The following ZNF516 variants were observed in gnomAD, a reference collection of about 807,000 sequenced individuals.
ZNF516 encodes zinc finger protein 516.
In ZNF516, 19 loss-of-function variants were observed where a neutral mutation model predicts 79.7. That is an observed-to-expected ratio of 0.24 (90% CI 0.17 to 0.35). ZNF516 has a LOEUF of 0.35. Among genes scored for constraint, ZNF516 ranks in the 10% least tolerant of loss-of-function variants. ZNF516 has a pLI of 1.00. For missense variants in ZNF516, 1,678 were observed against 1,679.5 expected, an observed-to-expected ratio of 1.00 and a Z score of 0.02; for synonymous variants, 877 against 739.5, an observed-to-expected ratio of 1.19 and a Z score of -3.02.
At chr18:76,384,793 C>T (rs1433444630) in intron 3 of ZNF516, among the ~76,000 whole-genome samples, 2 of 152,160 alleles carry the variant, frequency 1.3e-5, no homozygotes, top group African/African-American at 4.8e-5. Flanking sequence ...AGCACTTCTG[C>T]TCCTCAGTCC....
At chr18:76,386,393 T>C (rs1442663881) in intron 3 of ZNF516, 1 of 152,042 alleles carries the variant, frequency 6.6e-6, no homozygotes, top group Non-Finnish European at 1.5e-5. Context: ...ATTGCAAGCA[T>C]CACATTCGTC....
intron 2 of ZNF516, among the ~76,000 whole-genome samples, chr18:76,456,347 C>T (rs532515584): frequency 2.6e-4 from 40 of 152,364 alleles, no homozygotes; most frequent in South Asian, 2.1e-3. Context: ...ACGCTGGAGA[C>T]CTTGCTCAAC....
At chr18:76,445,010 C>A (rs114982993) in intron 2 of ZNF516, among the ~76,000 whole-genome samples, 1,973 of 152,316 alleles carry the variant, frequency 0.013, 48 homozygotes, top group African/African-American at 0.045. Flanking sequence ...GCTCCTTCCT[C>A]CAGGAACGCA....
chr18:76,446,987 T>C (rs1260733161), intron 2 of ZNF516, among the ~76,000 whole-genome samples: 1 of 152,210 alleles, frequency 6.6e-6, no homozygotes, highest in East Asian at 1.9e-4. Context: ...AGGGGTTGAT[T>C]AAGTGATCCC....
chr18:76,399,727 CT>C (rs1014653541), intron 3 of ZNF516, among the ~76,000 whole-genome samples: 34 of 152,170 alleles, frequency 2.2e-4, no homozygotes, highest in African/African-American at 7.2e-4. Context: ...CAGGGCCCCC[CT>C]GATACTGTAT....
chr18:76,492,271 G>C (rs1477281982), intron 1 of ZNF516: 1 of 985,340 alleles, frequency 1.0e-6, no homozygotes, highest in African/African-American at 1.7e-5. Context: ...TACGCTTCCC[G>C]AGGTGCGTAC....
At chr18:76,407,680 T>C (rs965082050) in intron 3 of ZNF516, among the ~76,000 whole-genome samples, 3 of 152,176 alleles carry the variant, frequency 2.0e-5, no homozygotes, top group Non-Finnish European at 2.9e-5. Context: ...AAAACATGGA[T>C]ACAGAAAATA....
At chr18:76,436,701 T>TC (rs1024383289) in intron 3 of ZNF516, among the ~76,000 whole-genome samples, 5 of 151,986 alleles carry the variant, frequency 3.3e-5, no homozygotes, top group Non-Finnish European at 2.9e-5. Flanking sequence ...CAGACACCCC[T>TC]CCCAGCTCAC....
At position 76,379,175 on chromosome 18, in the gene ZNF516, G is replaced by A. The variant is rs1173843620; in HGVS notation, c.2939C>T (p.Ala980Val). ...APDSLKAKFS[A>V]QPQGPPPAKG... ...TGCAGGAGGTGGACCCTGAGGCTGA[G>A]CACTGAATTTGGCTTTCAGGGAGTC... The change falls in exon 4 of 7, where the codon GCT becomes GTT. Residue 980 changes from alanine (A) to valine (V), a missense_variant. Physicochemically the swap from Ala to Val is moderately conservative, Grantham distance 64. Coordinates refer to ENST00000443185, the MANE Select transcript of ZNF516 (RefSeq NM_014643.4). 16 of 1,612,920 alleles carry A rather than the reference G, an allele frequency of 9.9e-6. No homozygotes were observed. Among genetic ancestry groups the A allele is most frequent in the Non-Finnish European group, 1.4e-5 (16 of 1,179,764 alleles).
At chr18:76,370,739 C>T (rs2074689744) in intron 5 of ZNF516, 144 bp from the exon 6 acceptor site, 5 of 644,820 alleles carry the variant, frequency 7.8e-6, no homozygotes, top group Non-Finnish European at 1.2e-5. Context: ...TTTACCGTAA[C>T]ACTTACAGTA....
At chr18:76,470,851 A>G (rs1913789677) in intron 1 of ZNF516, among the ~76,000 whole-genome samples, 2 of 152,172 alleles carry the variant, frequency 1.3e-5, no homozygotes, top group Admixed American at 6.6e-5. Context: ...CGTCTCTACT[A>G]AAAAATGCAA....
chr18:76,423,341 A>T (rs1418310494), intron 3 of ZNF516, among the ~76,000 whole-genome samples: 6 of 152,260 alleles, frequency 3.9e-5, no homozygotes, highest in Non-Finnish European at 7.3e-5. Flanking sequence ...ATGTGAACTG[A>T]CAGTACCTTG....
At chr18:76,375,853 C>T (rs1379399642) in intron 4 of ZNF516, among the ~76,000 whole-genome samples, 1 of 150,720 alleles carries the variant, frequency 6.6e-6, no homozygotes, top group Admixed American at 6.6e-5. Context: ...ACAGAAGGTC[C>T]CAGAGACCAG....
intron 3 of ZNF516, among the ~76,000 whole-genome samples, chr18:76,409,387 C>T (rs1307958318): frequency 6.6e-6 from 1 of 152,038 alleles, no homozygotes; most frequent in East Asian, 1.9e-4. Context: ...AACCTGACCT[C>T]CAAGAACACT....
rs768404420 is a variant in ZNF516 at position 76,441,285 on chromosome 18, G to A, written c.1770C>T (p.Ala590=). The change falls in exon 3 of 7, where the codon GCC becomes GCT. Residue 590 remains alanine, a synonymous_variant. Coordinates refer to ENST00000443185, the MANE Select transcript of ZNF516 (RefSeq NM_014643.4). ...GGGCGCCCTCCTCACCACTGTCTTC[G>A]GCAGCCTCGTCGGCCAGGCCAGAGC... ...SPGSGLADEA[A]EDSGEEGAPE... is the part of the protein sequence containing the mutation. The A allele has an allele frequency of 4.2e-5, 68 of 1,610,816 alleles. No individual in the cohort carries two copies. The highest frequency in any genetic ancestry group is 6.8e-6 in the Non-Finnish European group (8 of 1,179,368).
chr18:76,437,313 G>A (rs1017160568), intron 3 of ZNF516, among the ~76,000 whole-genome samples: 7 of 152,122 alleles, frequency 4.6e-5, no homozygotes, highest in Non-Finnish European at 7.4e-5. Flanking sequence ...GGTGACAGTG[G>A]AAAGAAGATG....
In ZNF516 at chr18:76,379,009, C is replaced by T. The variant is rs779693423; in HGVS notation, c.3105G>A (p.Ala1035=). ...ALQAQPGVAG[A]PPVLHSIKQE... Reference sequence around the variant, plus strand: ...GTTTGATGGAGTGTAGGACGGGGGGCGCCCCAGCCACGCCGGGCTGGGCCT... The same window carrying T: ...GTTTGATGGAGTGTAGGACGGGGGGTGCCCCAGCCACGCCGGGCTGGGCCT... The change falls in exon 4 of 7, where the codon GCG becomes GCA. Residue 1035 remains alanine (A), a synonymous_variant. Coordinates refer to ENST00000443185, the MANE Select transcript of ZNF516 (RefSeq NM_014643.4). The T allele has an allele frequency of 1.2e-5, 20 of 1,604,462 alleles. No homozygotes were observed. The highest frequency in any genetic ancestry group is 2.2e-5 in the South Asian group (2 of 90,080).
intron 3 of ZNF516, among the ~76,000 whole-genome samples, chr18:76,425,581 A>G (rs1055157976): frequency 2.6e-5 from 4 of 152,148 alleles, no homozygotes; most frequent in Non-Finnish European, 5.9e-5. Context: ...ATTTCTCCAC[A>G]TCTGGGAAGC....
rs578196165 is a variant in ZNF516, at chr18:76,468,922, T to C, written c.-271-5781A>G. Among the ~76,000 whole-genome samples, 14 of 152,332 alleles carry C rather than the reference T, an allele frequency of 9.2e-5. No individual in the cohort carries two copies. The East Asian group carries it at 2.7e-3, about 29-fold the overall frequency. On this transcript the variant is annotated intron_variant, in intron 1 of 6. Transcript: ENST00000443185. ...TTATTTATCACTCCATTGTATATTA[T>C]ATGTCCTTCAACAATGGAAGGTCCT...
Sources: allele counts gnomAD v4.1 joint callset (sites outside exome capture counted in the v4.1 genomes callset), GRCh38; gene constraint gnomAD v4.1.1; transcripts MANE v1.5; gene names NCBI Gene and HGNC (gene_info 2026-07-23, HGNC 2026-07-21).